Variants in ACP1 observed in about 807,000 individuals in gnomAD.
The protein encoded by ACP1 is low molecular weight phosphotyrosine protein phosphatase.
A neutral mutation model predicts 23.4 loss-of-function variants in ACP1; 23 were observed. That is an observed-to-expected ratio of 0.98 (90% CI 0.71 to 1.39). ACP1 has a LOEUF of 1.39. ACP1 is among the 40% of genes most tolerant of loss of function. The probability of loss-of-function intolerance (pLI) is 0.00; values close to 1 mark genes in which losing one functional copy is unlikely to be tolerated. For missense variants in ACP1, 180 were observed against 197.7 expected, an observed-to-expected ratio of 0.91 and a Z score of 0.54; for synonymous variants, 72 against 67.2, an observed-to-expected ratio of 1.07 and a Z score of -0.35.
intron 1 of ACP1, among the ~76,000 whole-genome samples, chr2:268,458 G>T (rs1188267413): frequency 6.6e-6 from 1 of 152,202 alleles, no homozygotes; most frequent in Non-Finnish European, 1.5e-5. Flanking sequence ...TTATGTTTTT[G>T]CAATAGAGAC....
intron 1 of ACP1, among the ~76,000 whole-genome samples, chr2:265,690 A>G (rs956842577): frequency 4.6e-5 from 7 of 152,216 alleles, no homozygotes; most frequent in African/African-American, 1.7e-4. Flanking sequence ...TAGCACTACA[A>G]GGTTATATTC....
At chr2:276,495 G>A (rs1232246492) in intron 4 of ACP1, among the ~76,000 whole-genome samples, 1 of 152,180 alleles carries the variant, frequency 6.6e-6, no homozygotes, top group African/African-American at 2.4e-5. Flanking sequence ...AAAGCTAAGG[G>A]TGGAAGTCTA....
intron 3 of ACP1, 158 bp from the exon 4 acceptor site, chr2:274,982 C>T (rs2103075685): frequency 2.5e-6 from 1 of 400,618 alleles, no homozygotes; most frequent in African/African-American, 2.0e-5. Flanking sequence ...AATAGGTTAA[C>T]TCTATTTTAA....
At chr2:269,140 C>T (rs1669966947) in intron 1 of ACP1, among the ~76,000 whole-genome samples, 4 of 152,120 alleles carry the variant, frequency 2.6e-5, no homozygotes. Context: ...GAGTTACACA[C>T]CCATGGGAAG....
chr2:274,140 G>A (rs1670112575), intron 3 of ACP1, among the ~76,000 whole-genome samples: 1 of 152,180 alleles, frequency 6.6e-6, no homozygotes, highest in Non-Finnish European at 1.5e-5. Flanking sequence ...CCCAGTGTTG[G>A]TGACAGAGTG....
intron 4 of ACP1, 53 bp from the exon 5 acceptor site, chr2:276,927 G>C: frequency 1.7e-6 from 2 of 1,152,672 alleles, no homozygotes; most frequent in Non-Finnish European, 2.5e-6. Context: ...AGATGTCCCT[G>C]TTTAACTTGA....
chr2:272,475 G>T, intron 3 of ACP1: 1 of 1,433,880 alleles, frequency 7.0e-7, no homozygotes. Context: ...TGAAAGACTT[G>T]CCTGACTTTG....
At chr2:265,715 C>T (rs1240309231) in intron 1 of ACP1, among the ~76,000 whole-genome samples, 2 of 152,188 alleles carry the variant, frequency 1.3e-5, no homozygotes, top group African/African-American at 4.8e-5. Context: ...GTGCCTCCAC[C>T]CTGAGAGGAA....
At chr2:272,559 A>C in intron 3 of ACP1, 1 of 1,147,794 alleles carries the variant, frequency 8.7e-7, no homozygotes, top group Non-Finnish European at 1.2e-6. Context: ...GCTGGGGCTG[A>C]GCGGTGCTCT....
At chr2:269,882 A>G (rs546039398) in intron 1 of ACP1, among the ~76,000 whole-genome samples, 8 of 152,154 alleles carry the variant, frequency 5.3e-5, no homozygotes, top group Non-Finnish European at 8.8e-5. Flanking sequence ...TGCCATTTCT[A>G]CACAGCTGTG....
At chr2:277,118 A>G (rs1670195830) in intron 5 of ACP1, 33 bp downstream of exon 5, 3 of 1,567,498 alleles carry the variant, frequency 1.9e-6, no homozygotes, top group African/African-American at 2.7e-5. Flanking sequence ...GGCTAATATG[A>G]AGACCCAACA....
intron 1 of ACP1, among the ~76,000 whole-genome samples, chr2:271,211 T>C (rs1471194059): frequency 6.6e-6 from 1 of 150,668 alleles, no homozygotes; most frequent in African/African-American, 2.5e-5. Context: ...TTATGTGTGA[T>C]ATACTTGAAA....
In ACP1 at chr2:272,106, T is replaced by C; in HGVS notation, c.187T>C (p.Cys63Arg). 1 of 1,614,170 alleles carries C rather than the reference T, an allele frequency of 6.2e-7. No homozygotes were observed. Among genetic ancestry groups the C allele is most frequent in the Non-Finnish European group, 8.5e-7 (1 of 1,180,032 alleles). ...CCCCCCTGACTACCGAGGGCAGAGC[T>C]GCATGAAGAGGCACGGCATTCCCAT... The part of the protein sequence containing the change: ...GNPPDYRGQS[C>R]MKRHGIPMSH... Residue 63 changes from cysteine (C) to arginine (R), a missense_variant, in exon 3 of 6, where the codon TGC (cysteine) becomes CGC (arginine). By Grantham distance (180) the Cys-to-Arg change is radical. Coordinates refer to ENST00000272065, the MANE Select transcript of ACP1 (RefSeq NM_004300.4).
chr2:278,254 G>A lies in ACP1; in HGVS notation c.*950G>A, dbSNP rs1451091267. On this transcript the variant is annotated 3_prime_UTR_variant, in exon 6 of 6. Transcript: ENST00000272065. Reference sequence around the variant, plus strand: ...CATGAATATTTCAAAATAAACTGGGGAGTTATAAAAATACAACTAGAGATA... The same window carrying A: ...CATGAATATTTCAAAATAAACTGGGAAGTTATAAAAATACAACTAGAGATA... 2 of 152,164 alleles carry A rather than the reference G, an allele frequency of 1.3e-5. No individual in the cohort carries two copies. The highest frequency in any genetic ancestry group is 2.9e-5 in the Non-Finnish European group (2 of 68,032). 9.4% of individuals were successfully genotyped at this position (152,164 alleles called of 1,614,324 possible).
chr2:267,049 C>T (rs909110038), intron 1 of ACP1, among the ~76,000 whole-genome samples: 3 of 152,182 alleles, frequency 2.0e-5, no homozygotes, highest in East Asian at 1.9e-4. Flanking sequence ...TGGGGCAGGA[C>T]GGAATGGGAT....
Position 275,129 on chromosome 2 carries a change from T to C in ACP1, c.232-11T>C. ...ATAAACACTGTGTTTTGACTTCTTA[T>C]TCAATTTTAGATTACCAAAGAAGAT... On this transcript the variant is annotated splice_polypyrimidine_tract_variant and intron_variant, in intron 3 of 5. Coordinates refer to ENST00000272065, the MANE Select transcript of ACP1 (RefSeq NM_004300.4). 6.9e-7 allele frequency: 1 copy of C among 1,453,762 alleles called. No homozygotes were observed. Among genetic ancestry groups the C allele is most frequent in the East Asian group, 2.3e-5 (1 of 43,616 alleles). 90.1% of individuals were successfully genotyped at this position (1,453,762 alleles called of 1,614,324 possible).
rs373227590 is a variant in ACP1, at chr2:275,494, A to G, written c.293+293A>G. 1.9e-5 allele frequency: 4 copies of G among 206,002 alleles called. 1 individual carries two copies. The highest frequency in any genetic ancestry group is 4.5e-4 in the Middle Eastern group (1 of 2,244). The allele number at this position is 206,002 out of a possible 1,614,324, so 12.8% of individuals were successfully genotyped here. A position where few individuals can be genotyped will look rare whatever the true frequency, so the allele number is the denominator to read the frequency against. On this transcript the variant is annotated intron_variant, in intron 4 of 5. Transcript: ENST00000272065. ...TTTTGTATCAAGCATATTGTTCTGC[A>G]TGAGAACGATTTTGATATTTTTGCT...
At chr2:269,526 G>T (rs1414981898) in intron 1 of ACP1, among the ~76,000 whole-genome samples, 3 of 152,148 alleles carry the variant, frequency 2.0e-5, no homozygotes, top group Non-Finnish European at 4.4e-5. Context: ...AGTTAGTGCT[G>T]CCTATTCTCA....
chr2:277,725 G>A lies in ACP1; in HGVS notation c.*421G>A, dbSNP rs1670215427. ...GGGCAGGTGCCCTCTGCTCCCCAGTGCTACCTCTCTCTTCCCTAGGGCCTT... is the reference window on the plus strand; with the variant it reads ...GGGCAGGTGCCCTCTGCTCCCCAGTACTACCTCTCTCTTCCCTAGGGCCTT... On this transcript the variant is annotated 3_prime_UTR_variant, in exon 6 of 6. Transcript: ENST00000272065. The A allele has an allele frequency of 4.6e-6, 1 of 216,148 alleles. No homozygotes were observed. Among genetic ancestry groups the A allele is most frequent in the Non-Finnish European group, 9.4e-6 (1 of 106,110 alleles). The allele number at this position is 216,148 out of a possible 1,614,324, so 13.4% of individuals were successfully genotyped here. A position where few individuals can be genotyped will look rare whatever the true frequency, so the allele number is the denominator to read the frequency against.
Sources: gnomAD v4.1 joint callset for allele counts (sites outside exome capture counted in the v4.1 genomes callset) on GRCh38, gnomAD v4.1.1 for gene constraint, MANE v1.5 for transcripts, NCBI Gene and HGNC (gene_info 2026-07-23, HGNC 2026-07-21) for gene names.